ERI1: variants seen among roughly 807,000 people sequenced by gnomAD.
The protein encoded by ERI1 is exoribonuclease 1.
A neutral mutation model predicts 39.7 loss-of-function variants in ERI1; 39 were observed. The ratio of observed to expected loss-of-function variants is 0.98; its 90% CI spans 0.76 to 1.28. The LOEUF (loss-of-function observed/expected upper bound fraction) is 1.28. Among genes scored for constraint, ERI1 ranks in the 50% most tolerant of loss-of-function variants. The probability of loss-of-function intolerance (pLI) is 0.00; values close to 1 mark genes in which losing one functional copy is unlikely to be tolerated. For missense variants in ERI1, 581 were observed against 416.9 expected (o/e 1.39, Z -3.43); for synonymous variants, 204 against 149.6 (o/e 1.36, Z -2.65).
chr8:9,086,569 A>G (rs966579017), intron 3 of ERI1, among the ~76,000 whole-genome samples: 3 of 152,316 alleles, frequency 2.0e-5, no homozygotes, highest in South Asian at 4.1e-4. Context: ...CGACCAACCA[A>G]TTCATTCTGT....
At chr8:9,041,643 T>C (rs113725289) in intron 3 of ERI1, among the ~76,000 whole-genome samples, 1,800 of 152,202 alleles carry the variant, frequency 0.012, 39 homozygotes, top group South Asian at 0.094. Context: ...ACAAATGAAA[T>C]AGAAACACAG....
Position 9,045,933 on chromosome 8 carries a change from C to T in ERI1, n.299+25469C>T, listed in dbSNP as rs575335417. Among the ~76,000 whole-genome samples, 28 of 152,210 alleles carry T rather than the reference C, an allele frequency of 1.8e-4. 1 individual carries two copies. Among genetic ancestry groups the T allele is most frequent in the Non-Finnish European group, 1.8e-4 (12 of 68,008 alleles). Reference sequence around the variant, plus strand: ...ACCTCAAGTGATCCACCTGCCTCAGCCTCCCAAAGTGTTAAGATTACAGGT... The same window carrying T: ...ACCTCAAGTGATCCACCTGCCTCAGTCTCCCAAAGTGTTAAGATTACAGGT... On this transcript the variant is annotated intron_variant and non_coding_transcript_variant, in intron 3 of 3. Coordinates refer to the ERI1 transcript ENST00000518663.
chr8:9,003,789 C>T (rs915779987), intron 1 of ERI1, among the ~76,000 whole-genome samples: 5 of 152,176 alleles, frequency 3.3e-5, no homozygotes, highest in Admixed American at 2.6e-4. Context: ...TGTTGACTAG[C>T]GCTGCGGATT....
intron 3 of ERI1, among the ~76,000 whole-genome samples, chr8:9,040,136 A>G (rs1031540561): frequency 9.9e-5 from 15 of 152,218 alleles, no homozygotes; most frequent in African/African-American, 2.9e-4. Flanking sequence ...TTTCTCACCG[A>G]TGCTTGCTGC....
intron 3 of ERI1, among the ~76,000 whole-genome samples, chr8:9,069,843 TC>T (rs1315534118): frequency 6.6e-6 from 1 of 152,236 alleles, no homozygotes. Flanking sequence ...TATTATTTCC[TC>T]CCTGAGTATT....
chr8:9,024,213 G>A lies in ERI1; in HGVS notation c.807+3749G>A, dbSNP rs929115623. Reference sequence around the variant, plus strand: ...GTAATACATTTCTGTGAAATAATTCGCTTAGGATGGGACTTGGTTTTTCTA... The same window carrying A: ...GTAATACATTTCTGTGAAATAATTCACTTAGGATGGGACTTGGTTTTTCTA... On this transcript the variant is annotated intron_variant, in intron 6 of 6. Coordinates refer to ENST00000250263, the MANE Select transcript of ERI1 (RefSeq NM_153332.4). Among the ~76,000 whole-genome samples, 7 of 152,064 alleles carry A rather than the reference G, an allele frequency of 4.6e-5. No homozygotes were observed. The South Asian group carries it at 6.2e-4, about 13-fold the overall frequency.
chr8:9,002,976 A>G lies in ERI1; in HGVS notation c.-88A>G. The G allele has an allele frequency of 6.2e-6, 6 of 973,324 alleles. No homozygotes were observed. Among genetic ancestry groups the G allele is most frequent in the Non-Finnish European group, 6.7e-6 (5 of 747,266 alleles). 60.3% of individuals were successfully genotyped at this position (973,324 alleles called of 1,614,324 possible). A position where few individuals can be genotyped will look rare whatever the true frequency, so the allele number is the denominator to read the frequency against. Reference sequence around the variant, plus strand: ...GGAACGCGAGCCCGGTAATTTTTCAACGGAGAAAGGCGAGGCTTTCGGGCT... The same window carrying G: ...GGAACGCGAGCCCGGTAATTTTTCAGCGGAGAAAGGCGAGGCTTTCGGGCT... On this transcript the variant is annotated 5_prime_UTR_variant, in exon 1 of 7. Coordinates refer to ENST00000250263, the MANE Select transcript of ERI1 (RefSeq NM_153332.4).
intron 3 of ERI1, among the ~76,000 whole-genome samples, chr8:9,046,237 A>G (rs966491218): frequency 6.6e-6 from 1 of 152,204 alleles, no homozygotes; most frequent in Non-Finnish European, 1.5e-5. Flanking sequence ...GAAAGATGCT[A>G]GTTCTTCTGA....
rs113041491 is a variant in ERI1, at chr8:9,016,700, T to G, written c.582+295T>G. ...ACTTGGAGATGTTTGATTTATTTATTTTTTTGAGACAGTCTCACTCTGTCA... is the reference window on the plus strand; with the variant it reads ...ACTTGGAGATGTTTGATTTATTTATGTTTTTGAGACAGTCTCACTCTGTCA... On this transcript the variant is annotated intron_variant, in intron 4 of 6. Coordinates refer to ENST00000250263, the MANE Select transcript of ERI1 (RefSeq NM_153332.4). 7.3e-3 allele frequency among the ~76,000 whole-genome samples: 1,116 copies of G among 152,296 alleles called. 14 individuals are homozygous for G. The highest frequency in any genetic ancestry group is 0.026 in the African/African-American group (1,072 of 41,552).
At chr8:9,084,048 C>T (rs1346172461) in intron 3 of ERI1, among the ~76,000 whole-genome samples, 1 of 152,182 alleles carries the variant, frequency 6.6e-6, no homozygotes, top group African/African-American at 2.4e-5. Context: ...CCGCCTCGGC[C>T]TCCCAAAATG....
intron 3 of ERI1, among the ~76,000 whole-genome samples, chr8:9,083,792 A>AT (rs943788402): frequency 7.9e-5 from 12 of 150,974 alleles, no homozygotes; most frequent in South Asian, 2.1e-4. Context: ...TGTCTCTATG[A>AT]TTTTTTTTTC....
downstream of ERI1, among the ~76,000 whole-genome samples, chr8:9,034,573 C>G (rs990037336): frequency 1.3e-5 from 2 of 151,970 alleles, no homozygotes; most frequent in Non-Finnish European, 2.9e-5. Flanking sequence ...CACCACAGAC[C>G]ACACCCATAT....
chr8:9,016,847 C>T (rs781561107), intron 4 of ERI1, among the ~76,000 whole-genome samples: 17 of 151,616 alleles, frequency 1.1e-4, no homozygotes, highest in Non-Finnish European at 1.8e-4. Context: ...CCACCACACC[C>T]GGCTAATTTT....
chr8:9,023,380 C>A (rs563205434), intron 6 of ERI1, among the ~76,000 whole-genome samples: 2 of 151,948 alleles, frequency 1.3e-5, no homozygotes, highest in Admixed American at 1.3e-4. Flanking sequence ...GCTACAACTC[C>A]CAGATGGAAT....
At chr8:9,086,307 C>G (rs1216289349) in intron 3 of ERI1, among the ~76,000 whole-genome samples, 11 of 152,144 alleles carry the variant, frequency 7.2e-5, no homozygotes, top group Non-Finnish European at 8.8e-5. Context: ...CCCAGCTACT[C>G]AGGAGACTGA....
chr8:9,070,927 G>A (rs535437719), intron 3 of ERI1, among the ~76,000 whole-genome samples: 5 of 152,286 alleles, frequency 3.3e-5, no homozygotes, highest in African/African-American at 1.2e-4. Context: ...GCAGGGTTGG[G>A]AGCTGGGACA....
At chr8:9,076,731 G>A (rs1479919575) in intron 3 of ERI1, among the ~76,000 whole-genome samples, 1 of 152,190 alleles carries the variant, frequency 6.6e-6, no homozygotes, top group South Asian at 2.1e-4. Flanking sequence ...CTGAAAAACT[G>A]GGCATATTTA....
intron 3 of ERI1, among the ~76,000 whole-genome samples, chr8:9,097,909 ATG>A (rs1252873230): frequency 4.6e-5 from 7 of 152,196 alleles, no homozygotes; most frequent in Admixed American, 3.3e-4. Context: ...ATTATGGTAT[ATG>A]TATATACACC....
At chr8:9,012,800 C>T (rs1296784782) in intron 3 of ERI1, among the ~76,000 whole-genome samples, 1 of 152,194 alleles carries the variant, frequency 6.6e-6, no homozygotes. Flanking sequence ...ACTTCACTGC[C>T]AGCTACTGCA....
Sources: gnomAD v4.1 joint callset for allele counts (sites outside exome capture counted in the v4.1 genomes callset) on GRCh38, gnomAD v4.1.1 for gene constraint, MANE v1.5 for transcripts, NCBI Gene and HGNC (gene_info 2026-07-23, HGNC 2026-07-21) for gene names.